The following ANK1 variants were observed in gnomAD, a reference collection of about 807,000 sequenced individuals.
The protein encoded by ANK1 is ankyrin-1.
Under a neutral mutation model 210.4 loss-of-function variants are expected in ANK1, and 51 were observed. The observed-to-expected ratio is 0.24, with a 90% confidence interval of 0.19 to 0.31. ANK1 has a LOEUF of 0.31. Ranked by LOEUF, ANK1 falls within the 10% of genes least tolerant of loss-of-function variation. The probability of loss-of-function intolerance (pLI) is 1.00; values close to 1 mark genes in which losing one functional copy is unlikely to be tolerated. For synonymous variants in ANK1, 967 were observed against 1,025.9 expected, an observed-to-expected ratio of 0.94 and a Z score of 1.10; for missense variants, 2,051 against 2,504.4, an observed-to-expected ratio of 0.82 and a Z score of 3.86.
At chr8:41,689,124 CT>C (rs770050874) in intron 33 of ANK1, among the ~76,000 whole-genome samples, 1 of 151,434 alleles carries the variant, frequency 6.6e-6, no homozygotes, top group South Asian at 2.1e-4. Context: ...TTCTCTCTCT[CT>C]TTTTTTTTAA....
At chr8:41,848,519 A>G (rs991579880) in intron 1 of ANK1, among the ~76,000 whole-genome samples, 1 of 152,214 alleles carries the variant, frequency 6.6e-6, no homozygotes, top group Non-Finnish European at 1.5e-5. Context: ...GCCCTTCCCC[A>G]GTGGCCAGCC....
chr8:41,849,081 TA>T (rs1390651610), intron 1 of ANK1, among the ~76,000 whole-genome samples: 1 of 152,244 alleles, frequency 6.6e-6, no homozygotes, highest in Non-Finnish European at 1.5e-5. Flanking sequence ...CAAAAATGAC[TA>T]AACTGTGTGA....
chr8:41,664,025 T>C (rs1336833041), intron 39 of ANK1: 2 of 574,704 alleles, frequency 3.5e-6, no homozygotes, highest in African/African-American at 1.8e-5. Context: ...GGGGCAATTA[T>C]GCAAGTCTGA....
At chr8:41,660,007 A>G (rs988309405) in intron 42 of ANK1, among the ~76,000 whole-genome samples, 1 of 152,174 alleles carries the variant, frequency 6.6e-6, no homozygotes, top group Non-Finnish European at 1.5e-5. Flanking sequence ...CATAAGAAAA[A>G]TAAGTCAGAA....
intron 1 of ANK1, among the ~76,000 whole-genome samples, chr8:41,858,122 C>T (rs1812560947): frequency 6.6e-6 from 1 of 152,014 alleles, no homozygotes. Flanking sequence ...ATCCCAGCTA[C>T]TCAGGAGGCT....
chr8:41,817,160 T>C (rs1803484366), intron 1 of ANK1, among the ~76,000 whole-genome samples: 1 of 152,166 alleles, frequency 6.6e-6, no homozygotes, highest in Non-Finnish European at 1.5e-5. Context: ...AGGATCTTGA[T>C]AAGATCTTAG....
chr8:41,763,538 C>T lies in ANK1; in HGVS notation c.28-5401G>A, dbSNP rs1179240290. On this transcript the variant is annotated intron_variant, in intron 1 of 42. Transcript: ENST00000289734. Reference sequence around the variant, plus strand: ...GTACCCCACTGAAGTCTATGCCTTTCCACTGCCCTTGACCCCAAGGGCGTT... The same window carrying T: ...GTACCCCACTGAAGTCTATGCCTTTTCACTGCCCTTGACCCCAAGGGCGTT... 3.3e-5 allele frequency among the ~76,000 whole-genome samples: 5 copies of T among 152,170 alleles called. 1 individual carries two copies. The highest frequency in any genetic ancestry group is 3.3e-4 in the Admixed American group (5 of 15,284).
chr8:41,671,104 C>T (rs1812113433), intron 38 of ANK1, among the ~76,000 whole-genome samples: 2 of 152,220 alleles, frequency 1.3e-5, no homozygotes, highest in South Asian at 4.1e-4. Context: ...CGCAGACTTG[C>T]AGTGTCTGGG....
At chr8:41,839,025 C>T (rs981989312) in intron 1 of ANK1, among the ~76,000 whole-genome samples, 4 of 151,876 alleles carry the variant, frequency 2.6e-5, no homozygotes, top group Admixed American at 6.6e-5. Context: ...TGCAGTGAGC[C>T]GAGATGGCAC....
In ANK1 at chr8:41,704,622, G is replaced by A. The variant is rs1824055527; in HGVS notation, c.2098-150C>T. 1.3e-6 allele frequency: 1 copy of A among 751,442 alleles called. No individual in the cohort carries two copies. The highest frequency in any genetic ancestry group is 1.7e-5 in the African/African-American group (1 of 58,234). The allele number at this position is 751,442 out of a possible 1,614,324, so 46.5% of individuals were successfully genotyped here. A position where few individuals can be genotyped will look rare whatever the true frequency, so the allele number is the denominator to read the frequency against. ...AGCTGAATGGCTGCTGCTGGGCAGA[G>A]ACCACCAGGCTGAGATGCTTGTGGG... On this transcript the variant is annotated intron_variant, in intron 18 of 42. Transcript: ENST00000289734. This position sits in a 1 kb window ranked among gnomAD's most constrained non-coding sequence, Gnocchi z 4.1.
At chr8:41,821,785 T>A (rs1439649463) in intron 1 of ANK1, among the ~76,000 whole-genome samples, 1 of 152,150 alleles carries the variant, frequency 6.6e-6, no homozygotes, top group Non-Finnish European at 1.5e-5. Flanking sequence ...CGGTGGCTTA[T>A]GCCTGTAATC....
At chr8:41,688,785 C>T (rs1208017838) in intron 33 of ANK1, among the ~76,000 whole-genome samples, 196 bp from the exon 34 acceptor site, 6 of 152,214 alleles carry the variant, frequency 3.9e-5, no homozygotes, top group Admixed American at 3.9e-4. Context: ...AAGAAGCGCA[C>T]ATGCGTTATT....
At chr8:41,742,711 T>C (rs569575996) in intron 2 of ANK1, among the ~76,000 whole-genome samples, 94 of 152,272 alleles carry the variant, frequency 6.2e-4, no homozygotes, top group African/African-American at 2.1e-3. Flanking sequence ...ATTATGGGGA[T>C]GGAAGGCACC....
At chr8:41,848,847 C>G (rs1251266960) in intron 1 of ANK1, among the ~76,000 whole-genome samples, 1 of 152,130 alleles carries the variant, frequency 6.6e-6, no homozygotes, top group African/African-American at 2.4e-5. Flanking sequence ...GTAGGTGGCC[C>G]CAGGCTGCAC....
At chr8:41,758,521 T>A (rs1839729086) in intron 1 of ANK1, among the ~76,000 whole-genome samples, 1 of 152,172 alleles carries the variant, frequency 6.6e-6, no homozygotes, top group East Asian at 1.9e-4. Context: ...TTTTTTTTTT[T>A]TATAGAGACA....
At chr8:41,824,660 G>A (rs959751253) in intron 1 of ANK1, among the ~76,000 whole-genome samples, 4 of 152,148 alleles carry the variant, frequency 2.6e-5, no homozygotes, top group Non-Finnish European at 4.4e-5. Context: ...CCCAGAGAAA[G>A]CAATCTGGGG....
At chr8:41,686,582 G>A (rs1383741283) in intron 35 of ANK1, among the ~76,000 whole-genome samples, 1 of 152,176 alleles carries the variant, frequency 6.6e-6, no homozygotes, top group East Asian at 1.9e-4. Context: ...CTTCCAATAT[G>A]AGATGACATG....
At chr8:41,847,441 A>G (rs1322092639) in intron 1 of ANK1, among the ~76,000 whole-genome samples, 2 of 152,234 alleles carry the variant, frequency 1.3e-5, no homozygotes, top group Non-Finnish European at 2.9e-5. Context: ...AACGGTCTTC[A>G]CAGGGGACCA....
intron 20 of ANK1, among the ~76,000 whole-genome samples, chr8:41,702,380 T>C (rs1318119047): frequency 1.3e-5 from 2 of 152,116 alleles, no homozygotes; most frequent in African/African-American, 2.4e-5. Context: ...GCTTTCGATC[T>C]GCAGCGTCAA....
Sources: allele counts gnomAD v4.1 joint callset (sites outside exome capture counted in the v4.1 genomes callset), GRCh38; gene constraint gnomAD v4.1.1; non-coding constraint Gnocchi (gnomAD v3.1); transcripts MANE v1.5; gene names NCBI Gene and HGNC (gene_info 2026-07-23, HGNC 2026-07-21).